PHC2: variants seen among roughly 807,000 people sequenced by gnomAD.
The protein encoded by PHC2 is polyhomeotic homolog 2.
PHC2 carries 29 observed loss-of-function variants against 87.4 expected under a neutral mutation model. The ratio of observed to expected loss-of-function variants is 0.33; its 90% CI spans 0.25 to 0.45. The LOEUF is 0.45. Among genes scored for constraint, PHC2 ranks in the 20% least tolerant of loss-of-function variants. The pLI is 1.00. For synonymous variants in PHC2, 438 were observed against 461.7 expected (o/e 0.95, Z 0.66); for missense variants, 857 against 1,136.7 (o/e 0.75, Z 3.54).
chr1:33,327,052 G>A (rs1557814881), intron 14 of PHC2, among the ~76,000 whole-genome samples: 1 of 152,182 alleles, frequency 6.6e-6, no homozygotes, highest in Non-Finnish European at 1.5e-5. Context: ...CACAGAAAAG[G>A]AAGGAGAACT....
rs565042309 is a variant in PHC2 at position 33,378,409 on chromosome 1, A to G, written c.-54-2816T>C. ...ACAGACTACCTCACAGAATCCCAACATCTTCTCTTAGTTCAAAGTCTCACC... is the reference window on the plus strand; with the variant it reads ...ACAGACTACCTCACAGAATCCCAACGTCTTCTCTTAGTTCAAAGTCTCACC... On this transcript the variant is annotated intron_variant, in intron 1 of 14. Transcript: ENST00000683057. Among the ~76,000 whole-genome samples, 3 of 152,306 alleles carry G rather than the reference A, an allele frequency of 2.0e-5. No homozygotes were observed. The South Asian group carries it at 6.2e-4, about 32-fold the overall frequency.
At chr1:33,342,155 G>C (rs957796186) in intron 9 of PHC2, among the ~76,000 whole-genome samples, 1 of 152,238 alleles carries the variant, frequency 6.6e-6, no homozygotes, top group Non-Finnish European at 1.5e-5. Context: ...CAGGGGGCTG[G>C]CCAGCAGGAT....
chr1:33,327,401 C>T (rs551120821), intron 14 of PHC2, among the ~76,000 whole-genome samples: 8 of 152,110 alleles, frequency 5.3e-5, no homozygotes, highest in South Asian at 4.2e-4. Context: ...ACCAAACTGT[C>T]GGGGATTTGG....
At chr1:33,416,305 C>G (rs375519469) in intron 1 of PHC2, among the ~76,000 whole-genome samples, 1 of 151,890 alleles carries the variant, frequency 6.6e-6, no homozygotes, top group Non-Finnish European at 1.5e-5. Context: ...CGGTGGCTCA[C>G]GCCTGTAATC....
intron 7 of PHC2, chr1:33,359,085 CA>C (rs1469882536): frequency 2.6e-5 from 4 of 152,164 alleles, no homozygotes; most frequent in Admixed American, 2.6e-4. Flanking sequence ...GTAAGGATGA[CA>C]CCTATCTCAG....
At chr1:33,378,484 A>G (rs1057343624) in intron 1 of PHC2, among the ~76,000 whole-genome samples, 1 of 152,194 alleles carries the variant, frequency 6.6e-6, no homozygotes, top group African/African-American at 2.4e-5. Flanking sequence ...CTTGCTTTTC[A>G]TTACACACTG....
intron 1 of PHC2, among the ~76,000 whole-genome samples, chr1:33,411,450 T>G (rs577943271): frequency 1.3e-5 from 2 of 151,126 alleles, no homozygotes; most frequent in Non-Finnish European, 3.0e-5. Context: ...ATCTCTGTTT[T>G]TTGTTGTTGT....
chr1:33,367,638 C>T (rs571888996), intron 6 of PHC2, among the ~76,000 whole-genome samples: 70 of 152,260 alleles, frequency 4.6e-4, no homozygotes, highest in African/African-American at 1.6e-3. Flanking sequence ...TGACTGCATC[C>T]AGCAGCAGAA....
At chr1:33,383,383 G>A (rs142875007) in intron 1 of PHC2, among the ~76,000 whole-genome samples, 21 of 152,328 alleles carry the variant, frequency 1.4e-4, no homozygotes, top group African/African-American at 3.4e-4. Flanking sequence ...AGTGAAGGAT[G>A]AGGAATTAAA....
At chr1:33,383,618 C>A (rs1648595734) in intron 1 of PHC2, among the ~76,000 whole-genome samples, 1 of 152,184 alleles carries the variant, frequency 6.6e-6, no homozygotes, top group East Asian at 1.9e-4. Flanking sequence ...ACAGTGAAAG[C>A]CACACTGTGC....
At position 33,382,594 on chromosome 1, in the gene PHC2, G is replaced by A. The variant is rs958263853; in HGVS notation, c.-54-7001C>T. 6.6e-6 allele frequency among the ~76,000 whole-genome samples: 1 copy of A among 152,116 alleles called. No individual in the cohort carries two copies. Among genetic ancestry groups the A allele is most frequent in the Non-Finnish European group, 1.5e-5 (1 of 68,018 alleles). ...TCCTACTCACTGTGTGGTTTTGTAT[G>A]AGCCCGGGCTCTGAAGGGCTATGAT... is the stretch of plus-strand genomic sequence containing the variant. On this transcript the variant is annotated intron_variant, in intron 1 of 14. Coordinates refer to ENST00000683057, the MANE Select transcript of PHC2 (RefSeq NM_001385109.1). The surrounding 1 kb of genome is among the most constrained non-coding windows in gnomAD (Gnocchi z 4.3).
intron 1 of PHC2, among the ~76,000 whole-genome samples, chr1:33,401,444 A>G (rs954051530): frequency 5.3e-5 from 8 of 152,208 alleles, no homozygotes; most frequent in Non-Finnish European, 1.2e-4. Context: ...ATCGAGCTCT[A>G]CTAGTTAAGA....
At chr1:33,337,504 C>A (rs923386727) in intron 9 of PHC2, among the ~76,000 whole-genome samples, 1 of 152,168 alleles carries the variant, frequency 6.6e-6, no homozygotes, top group South Asian at 2.1e-4. Context: ...ATCATTGAGT[C>A]AACTGCGGGC....
rs1447087342 is a variant in PHC2 at position 33,354,938 on chromosome 1, C to T, written c.1292G>A (p.Gly431Glu). ...GCCCTCGGGATGTCCATTCTGAGGCCCAGTATCAGGTGTGGGAGGGTGACA... is the reference window on the plus strand; with the variant it reads ...GCCCTCGGGATGTCCATTCTGAGGCTCAGTATCAGGTGTGGGAGGGTGACA... ...QQCHPPTPDT[G>E]PQNGHPEGVP... Residue 431 changes from glycine (G) to glutamate (E), a missense_variant, in exon 8 of 15, where the codon GGG (glycine) becomes GAG (glutamate). Physicochemically the swap from Gly to Glu is moderately conservative, Grantham distance 98 (BLOSUM62 -2). This residue lies in a region of PHC2 where 832 missense variants were observed against 1,081.8 expected (regional missense o/e 0.77). Coordinates refer to ENST00000683057, the MANE Select transcript of PHC2 (RefSeq NM_001385109.1). 1 of 1,614,174 alleles carries T rather than the reference C, an allele frequency of 6.2e-7. No homozygotes were observed. Among genetic ancestry groups the T allele is most frequent in the Admixed American group, 1.7e-5 (1 of 60,022 alleles).
rs1647718256 is a variant in PHC2 at position 33,369,921 on chromosome 1, C to G, written c.576+500G>C. Reference sequence around the variant, plus strand: ...CTATCCTGAGTATATCCTGCCCAAACAAGCTCACCTGACCCTGATTAGAAT... The same window carrying G: ...CTATCCTGAGTATATCCTGCCCAAAGAAGCTCACCTGACCCTGATTAGAAT... On this transcript the variant is annotated intron_variant, in intron 5 of 14. Coordinates refer to ENST00000683057, the MANE Select transcript of PHC2 (RefSeq NM_001385109.1). The surrounding 1 kb of genome is among the most constrained non-coding windows in gnomAD (Gnocchi z 4.7). Among the ~76,000 whole-genome samples, 1 of 152,158 alleles carries G rather than the reference C, an allele frequency of 6.6e-6. No individual in the cohort carries two copies. Among genetic ancestry groups the G allele is most frequent in the Non-Finnish European group, 1.5e-5 (1 of 68,036 alleles).
intron 1 of PHC2, among the ~76,000 whole-genome samples, chr1:33,422,308 C>G (rs1650464312): frequency 6.6e-6 from 1 of 152,136 alleles, no homozygotes; most frequent in African/African-American, 2.4e-5. Flanking sequence ...GGCCTGGGTT[C>G]TCCTCATCTT....
chr1:33,325,129 T>C (rs1025223006), intron 14 of PHC2, 110 bp from the exon 15 acceptor site: 62 of 1,103,704 alleles, frequency 5.6e-5, no homozygotes, highest in African/African-American at 3.1e-5. Flanking sequence ...TTATTTCTTT[T>C]AGTCCTCATA....
At chr1:33,345,563 C>G in intron 9 of PHC2, 1 of 985,254 alleles carries the variant, frequency 1.0e-6, no homozygotes, top group South Asian at 4.7e-5. Context: ...CAATGAATCT[C>G]AGAGCAACGG....
chr1:33,375,569 C>T lies in PHC2; in HGVS notation c.-30G>A, dbSNP rs776748329. Reference sequence around the variant, plus strand: ...TGCAGTGTGGCGCAGTCAGGGCGCTCGGATGGCAGAAGGGCAGGCAGATGC... The same window carrying T: ...TGCAGTGTGGCGCAGTCAGGGCGCTTGGATGGCAGAAGGGCAGGCAGATGC... On this transcript the variant is annotated 5_prime_UTR_variant, in exon 2 of 15. Coordinates refer to ENST00000683057, the MANE Select transcript of PHC2 (RefSeq NM_001385109.1). 6.2e-6 allele frequency: 9 copies of T among 1,453,408 alleles called. No homozygotes were observed. Among genetic ancestry groups the T allele is most frequent in the South Asian group, 1.5e-5 (1 of 68,560 alleles). The allele number at this position is 1,453,408 out of a possible 1,614,324, so 90.0% of individuals were successfully genotyped here.
Sources: gnomAD v4.1 joint callset for allele counts (sites outside exome capture counted in the v4.1 genomes callset) on GRCh38, gnomAD v4.1.1 for gene constraint, gnomAD v4.1.1 regional missense constraint, Gnocchi (gnomAD v3.1) non-coding constraint, MANE v1.5 for transcripts, NCBI Gene and HGNC (gene_info 2026-07-23, HGNC 2026-07-21) for gene names.